CAST: variants seen among roughly 807,000 people sequenced by gnomAD.
The protein encoded by CAST is MIR583 host.
CAST carries 76 observed loss-of-function variants against 119.6 expected under a neutral mutation model. The ratio of observed to expected loss-of-function variants is 0.64; its 90% CI spans 0.53 to 0.77. The LOEUF is 0.77. Among genes scored for constraint, CAST ranks in the 30% least tolerant of loss-of-function variants. The pLI is 0.00. For missense variants in CAST, 953 were observed against 946.5 expected, an observed-to-expected ratio of 1.01 and a Z score of -0.09; for synonymous variants, 319 against 331.6, an observed-to-expected ratio of 0.96 and a Z score of 0.41.
chr5:96,699,259 G>C (rs1371018768), intron 3 of CAST, among the ~76,000 whole-genome samples: 1 of 152,202 alleles, frequency 6.6e-6, no homozygotes, highest in Non-Finnish European at 1.5e-5. Flanking sequence ...CAACCTGACT[G>C]TTCAGGTGAG....
chr5:96,707,660 C>CT (rs371806295), intron 3 of CAST, among the ~76,000 whole-genome samples: 48 of 152,250 alleles, frequency 3.2e-4, no homozygotes, highest in African/African-American at 1.2e-3. Flanking sequence ...CTCTAATGAA[C>CT]TAAACCAACT....
At chr5:96,757,681 T>A in intron 24 of CAST, 27 bp downstream of exon 24, 1 of 1,491,784 alleles carries the variant, frequency 6.7e-7, no homozygotes, top group Non-Finnish European at 9.2e-7. Flanking sequence ...TGGTTTTATT[T>A]CTTTAGTTTT....
At chr5:96,366,845 A>C in the CAST span, among the ~76,000 whole-genome samples, 1 of 152,174 alleles carries the variant, frequency 6.6e-6, no homozygotes, top group African/African-American at 2.4e-5. Flanking sequence ...GTCATTCTCC[A>C]TCCAGCTTTG....
At chr5:96,336,339 A>G in the CAST span, among the ~76,000 whole-genome samples, 22 of 152,346 alleles carry the variant, frequency 1.4e-4, 1 homozygote, top group East Asian at 4.2e-3. Flanking sequence ...AGTTCATTTC[A>G]TATTAAACAT....
At chr5:96,170,661 G>A in the CAST span, among the ~76,000 whole-genome samples, 1 of 152,158 alleles carries the variant, frequency 6.6e-6, no homozygotes, top group Non-Finnish European at 1.5e-5. Flanking sequence ...GCTGTAAAGC[G>A]TCTCAGGGTT....
the CAST span, among the ~76,000 whole-genome samples, chr5:96,217,360 TA>T: frequency 0.1 from 15,202 of 151,652 alleles, 893 homozygotes; most frequent in East Asian, 0.22. Flanking sequence ...TTTTTTTTTT[TA>T]ACCAAGAACA....
At chr5:96,341,858 C>T in the CAST span, among the ~76,000 whole-genome samples, 1 of 152,136 alleles carries the variant, frequency 6.6e-6, no homozygotes, top group Non-Finnish European at 1.5e-5. Flanking sequence ...TTTCTCTAGA[C>T]AGTATGATGA....
the CAST span, chr5:96,425,893 C>T: frequency 1.2e-6 from 2 of 1,612,556 alleles, no homozygotes; most frequent in East Asian, 2.2e-5. Flanking sequence ...TGAACGTTTA[C>T]TTCTTTCTTT....
chr5:96,617,819 A>C (rs999632248), intron 1 of CAST, among the ~76,000 whole-genome samples: 15 of 142,972 alleles, frequency 1.0e-4, no homozygotes, highest in Non-Finnish European at 1.8e-4. Context: ...AAAAAAAAAA[A>C]AAAAAAAAAA....
the CAST span, among the ~76,000 whole-genome samples, chr5:96,151,677 C>G: frequency 6.6e-6 from 1 of 152,098 alleles, no homozygotes; most frequent in South Asian, 2.1e-4. Flanking sequence ...GCAGTGGGAA[C>G]AGTATGTATA....
At chr5:96,047,247 A>G in the CAST span, among the ~76,000 whole-genome samples, 1 of 152,164 alleles carries the variant, frequency 6.6e-6, no homozygotes, top group African/African-American at 2.4e-5. Context: ...TTTAAAAATT[A>G]AATAGGTTTT....
chr5:96,351,853 T>G, the CAST span, among the ~76,000 whole-genome samples: 1 of 152,094 alleles, frequency 6.6e-6, no homozygotes, highest in Non-Finnish European at 1.5e-5. Flanking sequence ...AAATTGGGAG[T>G]GCAAAATAAT....
chr5:96,070,323 C>T, the CAST span, among the ~76,000 whole-genome samples: 1 of 152,182 alleles, frequency 6.6e-6, no homozygotes, highest in African/African-American at 2.4e-5. Context: ...CCTAACTAGA[C>T]ATTTATTAAT....
At chr5:96,504,631 A>G in the CAST span, among the ~76,000 whole-genome samples, 1 of 152,082 alleles carries the variant, frequency 6.6e-6, no homozygotes, top group Non-Finnish European at 1.5e-5. Context: ...ATTGAGGTAT[A>G]ATATAACCAT....
chr5:96,280,774 T>C, the CAST span, among the ~76,000 whole-genome samples: 1 of 152,076 alleles, frequency 6.6e-6, no homozygotes, highest in African/African-American at 2.4e-5. Context: ...TTTTTTTTTT[T>C]CTTAACTGTT....
the CAST span, among the ~76,000 whole-genome samples, chr5:96,073,645 G>C: frequency 7.2e-5 from 11 of 152,220 alleles, no homozygotes; most frequent in South Asian, 2.3e-3. Context: ...CTCATAAGGA[G>C]CCCACAACCT....
At chr5:96,731,471 AGG>A (rs1760473155) in intron 9 of CAST, among the ~76,000 whole-genome samples, 1 of 126,534 alleles carries the variant, frequency 7.9e-6, no homozygotes, top group African/African-American at 3.2e-5. Flanking sequence ...TTATCCTTTA[AGG>A]TTTTTTTTTT....
the CAST span, among the ~76,000 whole-genome samples, chr5:96,177,543 G>A: frequency 2.0e-5 from 3 of 152,302 alleles, no homozygotes; most frequent in African/African-American, 4.8e-5. Context: ...ATATGTGCAT[G>A]TGCTAGAACA....
intron 1 of CAST, 32 bp downstream of exon 1, chr5:96,662,529 T>TG: frequency 7.4e-7 from 1 of 1,345,884 alleles, no homozygotes; most frequent in South Asian, 1.9e-5. Context: ...GTCGCGGGGC[T>TG]GGGCGATGGG....
Sources: allele counts gnomAD v4.1 joint callset (sites outside exome capture counted in the v4.1 genomes callset), GRCh38; gene constraint gnomAD v4.1.1; transcripts MANE v1.5; gene names NCBI Gene and HGNC (gene_info 2026-07-23, HGNC 2026-07-21).